DLGAP3: variants seen among roughly 807,000 people sequenced by gnomAD.
DLGAP3 encodes the protein disks large-associated protein 3.
Under a neutral mutation model 81.2 loss-of-function variants are expected in DLGAP3, and 17 were observed. That is an observed-to-expected ratio of 0.21 (90% CI 0.14 to 0.31). DLGAP3 has a LOEUF of 0.31. Among genes scored for constraint, DLGAP3 ranks in the 10% least tolerant of loss-of-function variants. The probability of loss-of-function intolerance (pLI) is 1.00; values close to 1 mark genes in which losing one functional copy is unlikely to be tolerated. For synonymous variants in DLGAP3, 577 were observed against 587.4 expected, an observed-to-expected ratio of 0.98 and a Z score of 0.26; for missense variants, 1,124 against 1,388.0, an observed-to-expected ratio of 0.81 and a Z score of 3.02.
At chr1:34,879,178 T>C (rs2148398162) in intron 8 of DLGAP3, among the ~76,000 whole-genome samples, 1 of 152,240 alleles carries the variant, frequency 6.6e-6, no homozygotes, top group South Asian at 2.1e-4. Flanking sequence ...TTATTTCTAC[T>C]ATTATTATTA....
intron 1 of DLGAP3, among the ~76,000 whole-genome samples, chr1:34,911,448 T>A (rs1639638274): frequency 6.6e-6 from 1 of 152,146 alleles, no homozygotes; most frequent in African/African-American, 2.4e-5. Context: ...CCCATTTTTA[T>A]TGCACCAAAT....
Position 34,900,692 on chromosome 1 carries a change from A to AG in DLGAP3, c.1108-420dup, listed in dbSNP as rs2148409946. ...CCTTCCCCGCTGTGGGGAGCCACAG[A>AG]GGGCTTCATGCAGGGGAGTGACATC... On this transcript the variant is annotated intron_variant, in intron 3 of 11. Transcript: ENST00000373347. This position sits in a 1 kb window ranked among gnomAD's most constrained non-coding sequence, Gnocchi z 5.6. 6.6e-6 allele frequency among the ~76,000 whole-genome samples: 1 copy of AG among 152,310 alleles called. No individual in the cohort carries two copies. The highest frequency in any genetic ancestry group is 2.4e-5 in the African/African-American group (1 of 41,568).
At chr1:34,899,859 T>A (rs1376539611) in intron 4 of DLGAP3, 118 bp from the exon 5 acceptor site, 2 of 1,050,110 alleles carry the variant, frequency 1.9e-6, no homozygotes, top group African/African-American at 1.6e-5. Flanking sequence ...CAAAGAGAGA[T>A]CCCTTAGGAG....
chr1:34,876,982 T>C (rs2148396874), intron 8 of DLGAP3, among the ~76,000 whole-genome samples: 1 of 152,262 alleles, frequency 6.6e-6, no homozygotes, highest in South Asian at 2.1e-4. Flanking sequence ...CCTAAACGCA[T>C]AGAAATGCTG....
chr1:34,921,039 G>A (rs979661413), intron 1 of DLGAP3, among the ~76,000 whole-genome samples: 2 of 152,174 alleles, frequency 1.3e-5, no homozygotes, highest in African/African-American at 2.4e-5. Flanking sequence ...GTTGCCTAGA[G>A]AGCATTTCAG....
chr1:34,917,370 T>C (rs1391619538), intron 1 of DLGAP3, among the ~76,000 whole-genome samples: 1 of 146,826 alleles, frequency 6.8e-6, no homozygotes, highest in Non-Finnish European at 1.5e-5. Flanking sequence ...TTTTTCGAGA[T>C]AGGGTTTTGC....
rs1639445192 is a variant in DLGAP3, at chr1:34,900,725, T to G, written c.1108-452A>C. ...ATGCAGGGGAGTGACATCAGATTTG[T>G]GTTGCAGAAAGAGCTCTCCCACAGT... is the stretch of plus-strand genomic sequence containing the variant. On this transcript the variant is annotated intron_variant, in intron 3 of 11. Transcript: ENST00000373347. The surrounding 1 kb of genome is among the most constrained non-coding windows in gnomAD (Gnocchi z 5.6). Among the ~76,000 whole-genome samples, 1 of 152,156 alleles carries G rather than the reference T, an allele frequency of 6.6e-6. No homozygotes were observed. The highest frequency in any genetic ancestry group is 2.1e-4 in the South Asian group (1 of 4,822).
intron 8 of DLGAP3, among the ~76,000 whole-genome samples, chr1:34,880,818 T>G (rs1436460323): frequency 6.6e-6 from 1 of 152,202 alleles, no homozygotes; most frequent in Non-Finnish European, 1.5e-5. Flanking sequence ...CTTATGTTTC[T>G]TTTTTAAATA....
intron 5 of DLGAP3, among the ~76,000 whole-genome samples, chr1:34,887,613 A>G (rs971215972): frequency 2.6e-5 from 4 of 152,146 alleles, no homozygotes; most frequent in African/African-American, 9.7e-5. Flanking sequence ...ACAGGTGACA[A>G]AGTCCTGAAC....
Position 34,867,305 on chromosome 1 carries a change from G to A in DLGAP3, c.2578-114C>T. The A allele has an allele frequency of 6.7e-7, 1 of 1,493,814 alleles. No homozygotes were observed. The highest frequency in any genetic ancestry group is 9.3e-7 in the Non-Finnish European group (1 of 1,078,480). 92.5% of individuals were successfully genotyped at this position (1,493,814 alleles called of 1,614,324 possible). On this transcript the variant is annotated intron_variant, in intron 10 of 11. Coordinates refer to ENST00000373347, the MANE Select transcript of DLGAP3 (RefSeq NM_001080418.3). This position sits in a 1 kb window ranked among gnomAD's most constrained non-coding sequence, Gnocchi z 4.3. ...GCCAGGAAGCTCAGCCTGGGAGAGT[G>A]GGTGGGGGCTGGGAGACAGGGGGAC... is the stretch of plus-strand genomic sequence containing the variant.
Position 34,905,337 on chromosome 1 carries a change from C to T in DLGAP3, c.47G>A (p.Arg16His), listed in dbSNP as rs369407472. 19 of 1,558,298 alleles carry T rather than the reference C, an allele frequency of 1.2e-5. No individual in the cohort carries two copies. Among genetic ancestry groups the T allele is most frequent in the East Asian group, 7.2e-5 (3 of 41,732 alleles). ...GTCCATATGCTGTTGGTCAGCAAAG[C>T]GGGCTGGGCGGGGATGGCTGCCTCG... Reference protein sequence around the residue: ...GDRGSHPRPARFADQQHMDVG... With the variant: ...GDRGSHPRPAHFADQQHMDVG... The change falls in exon 3 of 12, where the codon CGC becomes CAC. Residue 16 changes from arginine to histidine, a missense_variant. By Grantham distance (29) the Arg-to-His change is conservative. Coordinates refer to ENST00000373347, the MANE Select transcript of DLGAP3 (RefSeq NM_001080418.3).
At chr1:34,884,151 T>A (rs1639184902) in intron 8 of DLGAP3, among the ~76,000 whole-genome samples, 1 of 152,046 alleles carries the variant, frequency 6.6e-6, no homozygotes, top group Non-Finnish European at 1.5e-5. Context: ...GCTCCTGGCC[T>A]CAAGTGATCC....
chr1:34,884,406 T>C lies in DLGAP3; in HGVS notation c.2000+572A>G, dbSNP rs201781034. On this transcript the variant is annotated intron_variant, in intron 8 of 11. Coordinates refer to ENST00000373347, the MANE Select transcript of DLGAP3 (RefSeq NM_001080418.3). The stretch of plus-strand genomic sequence containing the variant: ...TAATTCTTCAGTGAAAATTAAGGAG[T>C]CAATGTTTCTGAGGCCACCTAATGC... Among the ~76,000 whole-genome samples the C allele has an allele frequency of 4.0e-5, 6 of 151,894 alleles. No homozygotes were observed. The East Asian group carries it at 1.2e-3, about 29-fold the overall frequency.
intron 1 of DLGAP3, among the ~76,000 whole-genome samples, chr1:34,918,913 G>C (rs1174954442): frequency 2.0e-5 from 3 of 152,170 alleles, no homozygotes; most frequent in African/African-American, 7.2e-5. Context: ...TAGAGGGGTG[G>C]GGGCTTCCAC....
chr1:34,918,539 G>A (rs1167774485), intron 1 of DLGAP3, among the ~76,000 whole-genome samples: 1 of 152,208 alleles, frequency 6.6e-6, no homozygotes, highest in African/African-American at 2.4e-5. Context: ...CTGAGGATGG[G>A]GCAGAGGCCC....
rs777687468 is a variant in DLGAP3 at position 34,886,277 on chromosome 1, A to G, written c.1395T>C (p.Asp465=). The G allele has an allele frequency of 5.7e-6, 9 of 1,589,460 alleles. No individual in the cohort carries two copies. The highest frequency in any genetic ancestry group is 6.0e-6 in the Non-Finnish European group (7 of 1,165,822). Residue 465 remains aspartate, a synonymous_variant, in exon 6 of 12, where the codon GAT becomes GAC. Transcript: ENST00000373347. ...SRSLTTGQLS[D]ELNQQLEAVC... The stretch of plus-strand genomic sequence containing the variant: ...CGGCCTCCAGCTGCTGGTTCAACTC[A>G]TCGCTGAGCTGGGGGGCAGGGGGTC...
chr1:34,869,552 C>T lies in DLGAP3; in HGVS notation c.2001-463G>A, dbSNP rs535461091. On this transcript the variant is annotated intron_variant, in intron 8 of 11. Coordinates refer to ENST00000373347, the MANE Select transcript of DLGAP3 (RefSeq NM_001080418.3). ...TTGCCCAGGCTGGAGTGCAATGGCGCGATCTCGGCTCACCGCAACCTCCGC... is the reference window on the plus strand; with the variant it reads ...TTGCCCAGGCTGGAGTGCAATGGCGTGATCTCGGCTCACCGCAACCTCCGC... Among the ~76,000 whole-genome samples, 399 of 143,454 alleles carry T rather than the reference C, an allele frequency of 2.8e-3. 3 individuals carry two copies. Among genetic ancestry groups the T allele is most frequent in the African/African-American group, 0.01 (384 of 38,132 alleles). 94.1% of individuals were successfully genotyped at this position (143,454 alleles called of 152,430 possible). A position where few individuals can be genotyped will look rare whatever the true frequency, so the allele number is the denominator to read the frequency against.
chr1:34,867,324 G>C lies in DLGAP3; in HGVS notation c.2578-133C>G. The C allele has an allele frequency of 2.9e-6, 4 of 1,375,876 alleles. No homozygotes were observed. The highest frequency in any genetic ancestry group is 3.1e-6 in the Non-Finnish European group (3 of 974,054). 85.2% of individuals were successfully genotyped at this position (1,375,876 alleles called of 1,614,324 possible). A position where few individuals can be genotyped will look rare whatever the true frequency, so the allele number is the denominator to read the frequency against. ...GAGAGTGGGTGGGGGCTGGGAGACA[G>C]GGGGACAAGAGCGAGCCCAGGACTC... is the stretch of plus-strand genomic sequence containing the variant. On this transcript the variant is annotated intron_variant, in intron 10 of 11. Transcript: ENST00000373347. This position sits in a 1 kb window ranked among gnomAD's most constrained non-coding sequence, Gnocchi z 4.3.
At chr1:34,920,036 C>T (rs1639773992) in intron 1 of DLGAP3, among the ~76,000 whole-genome samples, 1 of 152,092 alleles carries the variant, frequency 6.6e-6, no homozygotes, top group Non-Finnish European at 1.5e-5. Context: ...TTAGAAGCTG[C>T]CTAAGTATGC....
Sources: gnomAD v4.1 joint callset for allele counts (sites outside exome capture counted in the v4.1 genomes callset) on GRCh38, gnomAD v4.1.1 for gene constraint, Gnocchi (gnomAD v3.1) non-coding constraint, MANE v1.5 for transcripts, NCBI Gene and HGNC (gene_info 2026-07-23, HGNC 2026-07-21) for gene names.